NRG1: variants seen among roughly 807,000 people sequenced by gnomAD.
NRG1 encodes pro-neuregulin-1, membrane-bound isoform.
In NRG1, 18 loss-of-function variants were observed where a neutral mutation model predicts 63.8. The ratio of observed to expected loss-of-function variants is 0.28; its 90% CI spans 0.19 to 0.42. The LOEUF (loss-of-function observed/expected upper bound fraction) is 0.42. Ranked by LOEUF, NRG1 falls within the 10% of genes least tolerant of loss-of-function variation. The pLI is 1.00. For synonymous variants in NRG1, 302 were observed against 301.3 expected (o/e 1.00, Z -0.02); for missense variants, 762 against 814.7 (o/e 0.94, Z 0.79).
Position 32,366,396 on chromosome 8 carries a change from C to T in NRG1, c.38-229432C>T, listed in dbSNP as rs565054653. 1.9e-4 allele frequency among the ~76,000 whole-genome samples: 29 copies of T among 152,050 alleles called. 1 individual carries two copies. Among genetic ancestry groups the T allele is most frequent in the Admixed American group, 1.9e-3 (29 of 15,254 alleles). ...TAGTAACTACCATTTTACTCTCTACCTCCATGACATTAACTTTTTTAGCTC... is the reference window on the plus strand; with the variant it reads ...TAGTAACTACCATTTTACTCTCTACTTCCATGACATTAACTTTTTTAGCTC... On this transcript the variant is annotated intron_variant, in intron 1 of 10. Coordinates refer to the NRG1 transcript ENST00000519301.
chr8:31,947,596 C>T (rs1010098473), intron 1 of NRG1, among the ~76,000 whole-genome samples: 2 of 152,106 alleles, frequency 1.3e-5, no homozygotes, highest in East Asian at 1.9e-4. Flanking sequence ...CAAACACACA[C>T]CTTCATGATA....
intron 1 of NRG1, among the ~76,000 whole-genome samples, chr8:32,038,827 C>T (rs982245194): frequency 1.6e-4 from 25 of 152,054 alleles, no homozygotes; most frequent in African/African-American, 5.1e-4. Flanking sequence ...AAGCTAGCCC[C>T]ACCTGTTGTT....
chr8:32,274,515 A>G (rs1011820335), intron 1 of NRG1, among the ~76,000 whole-genome samples: 2 of 152,166 alleles, frequency 1.3e-5, no homozygotes, highest in Non-Finnish European at 1.5e-5. Flanking sequence ...TGCTTCTTCA[A>G]TCCTTGAACT....
At chr8:32,085,610 T>G (rs1003425354) in intron 1 of NRG1, among the ~76,000 whole-genome samples, 2 of 152,218 alleles carry the variant, frequency 1.3e-5, no homozygotes, top group African/African-American at 4.8e-5. Flanking sequence ...ACTTTCAGAC[T>G]AACTGTTCAC....
chr8:32,048,741 A>G (rs1821496297), intron 1 of NRG1, among the ~76,000 whole-genome samples: 1 of 151,812 alleles, frequency 6.6e-6, no homozygotes, highest in Non-Finnish European at 1.5e-5. Context: ...CATTTTTCAT[A>G]TGCCCGATGG....
chr8:32,328,994 T>C (rs1481333632), intron 1 of NRG1, among the ~76,000 whole-genome samples: 1 of 150,382 alleles, frequency 6.6e-6, no homozygotes, highest in Non-Finnish European at 1.5e-5. Flanking sequence ...ATTTAGACAA[T>C]GTCTCACTCT....
At chr8:31,998,289 T>A (rs1563664268) in intron 1 of NRG1, among the ~76,000 whole-genome samples, 1 of 152,050 alleles carries the variant, frequency 6.6e-6, no homozygotes, top group Non-Finnish European at 1.5e-5. Context: ...TTCAATCAAC[T>A]ATACATATAT....
chr8:32,733,589 C>T (rs1046495681), intron 6 of NRG1, among the ~76,000 whole-genome samples: 13 of 152,022 alleles, frequency 8.6e-5, no homozygotes, highest in African/African-American at 2.4e-4. Context: ...ACAGGCTTAG[C>T]GTCCCAATAA....
At chr8:32,633,536 C>T (rs1326604801) in intron 5 of NRG1, among the ~76,000 whole-genome samples, 3 of 152,130 alleles carry the variant, frequency 2.0e-5, no homozygotes, top group African/African-American at 7.2e-5. Context: ...GATACTTAGA[C>T]ATGCATATAC....
At chr8:31,651,188 A>T (rs569666695) in intron 1 of NRG1, among the ~76,000 whole-genome samples, 1 of 152,152 alleles carries the variant, frequency 6.6e-6, no homozygotes, top group African/African-American at 2.4e-5. Flanking sequence ...CTTTTCTCCA[A>T]ATCTTATCTC....
intron 1 of NRG1, among the ~76,000 whole-genome samples, chr8:32,254,504 C>T (rs941218041): frequency 6.6e-6 from 1 of 152,090 alleles, no homozygotes; most frequent in Non-Finnish European, 1.5e-5. Flanking sequence ...TGAGTTTCTT[C>T]ATCCTGAGTT....
Position 32,742,459 on chromosome 8 carries a change from C to T in NRG1, c.633-216C>T, listed in dbSNP as rs1447907111. Among the ~76,000 whole-genome samples the T allele has an allele frequency of 6.6e-6, 1 of 152,136 alleles. No homozygotes were observed. Among genetic ancestry groups the T allele is most frequent in the African/African-American group, 2.4e-5 (1 of 41,434 alleles). On this transcript the variant is annotated intron_variant, in intron 6 of 11. Transcript: ENST00000356819. The surrounding 1 kb of genome is among the most constrained non-coding windows in gnomAD (Gnocchi z 4.2). Reference sequence around the variant, plus strand: ...CACTTAAAGTGCTGGGATCTTTCCACCATACCAACTTAAGAACTGCATTCT... The same window carrying T: ...CACTTAAAGTGCTGGGATCTTTCCATCATACCAACTTAAGAACTGCATTCT...
intron 1 of NRG1, among the ~76,000 whole-genome samples, chr8:31,829,452 C>G (rs972616505): frequency 2.0e-5 from 3 of 152,200 alleles, no homozygotes; most frequent in Non-Finnish European, 4.4e-5. Flanking sequence ...CATTACATAG[C>G]ATGCGGAATG....
chr8:32,191,049 C>G (rs1176474773), intron 1 of NRG1, among the ~76,000 whole-genome samples: 1 of 151,932 alleles, frequency 6.6e-6, no homozygotes, highest in Non-Finnish European at 1.5e-5. Context: ...GCAAACAATT[C>G]TTGAAACAAT....
At chr8:32,473,713 G>C (rs186378090) in intron 1 of NRG1, among the ~76,000 whole-genome samples, 2 of 151,992 alleles carry the variant, frequency 1.3e-5, no homozygotes, top group South Asian at 4.2e-4. Flanking sequence ...AGAAATGATC[G>C]TGTTCTGTCA....
intron 1 of NRG1, among the ~76,000 whole-genome samples, chr8:31,920,366 A>G (rs1179820528): frequency 2.6e-5 from 4 of 152,198 alleles, no homozygotes; most frequent in Non-Finnish European, 5.9e-5. Context: ...CAAATCTTTT[A>G]ATTCTGAAGG....
intron 1 of NRG1, among the ~76,000 whole-genome samples, chr8:31,979,486 A>G (rs888658874): frequency 1.3e-5 from 2 of 152,022 alleles, no homozygotes; most frequent in African/African-American, 2.4e-5. Flanking sequence ...TACTTCCTAT[A>G]TAAAATCTTA....
intron 1 of NRG1, among the ~76,000 whole-genome samples, chr8:32,323,551 G>C (rs1045219305): frequency 1.3e-5 from 2 of 152,176 alleles, no homozygotes; most frequent in Admixed American, 1.3e-4. Context: ...AGCCAGCAAT[G>C]GTCCTGCAGG....
At chr8:31,642,444 T>C in intron 1 of NRG1, among the ~76,000 whole-genome samples, 1 of 152,238 alleles carries the variant, frequency 6.6e-6, no homozygotes, top group East Asian at 1.9e-4. Context: ...GTGTTAGTTA[T>C]ACCTTTTAAC....
Sources: allele counts gnomAD v4.1 joint callset (sites outside exome capture counted in the v4.1 genomes callset), GRCh38; gene constraint gnomAD v4.1.1; non-coding constraint Gnocchi (gnomAD v3.1); transcripts MANE v1.5; gene names NCBI Gene and HGNC (gene_info 2026-07-23, HGNC 2026-07-21).